Variants in ASTN2 observed in about 807,000 individuals in gnomAD.
The protein encoded by ASTN2 is astrotactin-2.
In ASTN2, 54 loss-of-function variants were observed where a neutral mutation model predicts 139.8. That is an observed-to-expected ratio of 0.39 (90% CI 0.31 to 0.48). The LOEUF is 0.48. Ranked by LOEUF, ASTN2 falls within the 20% of genes least tolerant of loss-of-function variation. ASTN2 has a pLI of 0.95. For synonymous variants in ASTN2, 756 were observed against 719.5 expected, an observed-to-expected ratio of 1.05 and a Z score of -0.81; for missense variants, 1,565 against 1,725.1, an observed-to-expected ratio of 0.91 and a Z score of 1.64.
intron 10 of ASTN2, among the ~76,000 whole-genome samples, chr9:116,914,572 T>TTA (rs978387265): frequency 2.8e-5 from 4 of 143,376 alleles, no homozygotes; most frequent in African/African-American, 8.2e-5. Context: ...ATTATTATTA[T>TTA]TTATATATAT....
At position 117,158,177 on chromosome 9, in the gene ASTN2, C is replaced by T. The variant is rs7022796; in HGVS notation, c.1016-16699G>A. Among the ~76,000 whole-genome samples the T allele has an allele frequency of 4.5e-3, 691 of 152,078 alleles. 10 individuals carry two copies. Among genetic ancestry groups the T allele is most frequent in the African/African-American group, 0.015 (638 of 41,512 alleles). On this transcript the variant is annotated intron_variant, in intron 3 of 22. Coordinates refer to ENST00000313400, the MANE Select transcript of ASTN2 (RefSeq NM_001365068.1). ...TTATACGTGTAGTCAGGGTACTAACCCAGTTCCACTGCTAGTGACTATGCA... is the reference window on the plus strand; with the variant it reads ...TTATACGTGTAGTCAGGGTACTAACTCAGTTCCACTGCTAGTGACTATGCA...
chr9:117,275,765 C>A (rs1834172510), intron 2 of ASTN2, among the ~76,000 whole-genome samples: 1 of 151,952 alleles, frequency 6.6e-6, no homozygotes, highest in South Asian at 2.1e-4. Flanking sequence ...AGGGTTTCGC[C>A]ATGTTGACCA....
chr9:116,924,990 G>A (rs2132441935), intron 10 of ASTN2, among the ~76,000 whole-genome samples: 1 of 152,164 alleles, frequency 6.6e-6, no homozygotes, highest in Middle Eastern at 3.4e-3. Flanking sequence ...TTCCAAACAA[G>A]TCACTCTTGC....
chr9:116,529,693 T>C (rs1241977987), intron 19 of ASTN2, among the ~76,000 whole-genome samples: 1 of 152,036 alleles, frequency 6.6e-6, no homozygotes, highest in African/African-American at 2.4e-5. Flanking sequence ...GATTGGGTCA[T>C]GAGGGCAGTC....
intron 2 of ASTN2, among the ~76,000 whole-genome samples, chr9:117,233,082 G>A (rs1832945182): frequency 6.6e-6 from 1 of 152,110 alleles, no homozygotes; most frequent in South Asian, 2.1e-4. Context: ...GCTGGAGCTT[G>A]CGTTCTTCCA....
chr9:116,853,725 G>A (rs757427322), intron 11 of ASTN2, among the ~76,000 whole-genome samples: 1 of 152,162 alleles, frequency 6.6e-6, no homozygotes, highest in Non-Finnish European at 1.5e-5. Context: ...AAACAGTGTG[G>A]AGCACCAGAT....
At chr9:116,687,292 C>T in intron 16 of ASTN2, 1 of 989,182 alleles carries the variant, frequency 1.0e-6, no homozygotes, top group Non-Finnish European at 1.2e-6. Context: ...CGAATTGGCG[C>T]CCGGCAAGGG....
chr9:116,799,401 T>C (rs1830782409), intron 13 of ASTN2, among the ~76,000 whole-genome samples: 1 of 152,164 alleles, frequency 6.6e-6, no homozygotes, highest in African/African-American at 2.4e-5. Context: ...CAGACAAGAT[T>C]GAAAAGTCCC....
At chr9:116,929,657 G>A (rs1834847190) in intron 10 of ASTN2, among the ~76,000 whole-genome samples, 1 of 152,114 alleles carries the variant, frequency 6.6e-6, no homozygotes, top group Non-Finnish European at 1.5e-5. Context: ...ACCCTTTGCT[G>A]ACTAATTGAA....
chr9:117,200,856 T>A (rs995164592), intron 3 of ASTN2, among the ~76,000 whole-genome samples: 1 of 152,154 alleles, frequency 6.6e-6, no homozygotes, highest in Non-Finnish European at 1.5e-5. Flanking sequence ...AGTTTTGGTA[T>A]CAGGATGATA....
chr9:116,564,973 G>A (rs1453143565), intron 19 of ASTN2, among the ~76,000 whole-genome samples: 1 of 152,008 alleles, frequency 6.6e-6, no homozygotes, highest in Non-Finnish European at 1.5e-5. Context: ...CCAATTGAAG[G>A]AGGTAGACTT....
rs539934765 is a variant in ASTN2, at chr9:117,258,313, C to T, written c.630+33013G>A. The stretch of plus-strand genomic sequence containing the variant: ...TGCGGGCATTAATGTAGGCCAAGTG[C>T]TTTCCAGCCAATCAGACCCCATTTC... On this transcript the variant is annotated intron_variant, in intron 2 of 22. Transcript: ENST00000313400. Among the ~76,000 whole-genome samples the T allele has an allele frequency of 6.6e-5, 10 of 152,292 alleles. No individual in the cohort carries two copies. The South Asian group carries it at 2.1e-3, about 32-fold the overall frequency.
chr9:116,491,308 A>C (rs1157143751), intron 19 of ASTN2, among the ~76,000 whole-genome samples: 2 of 152,200 alleles, frequency 1.3e-5, no homozygotes, highest in Non-Finnish European at 2.9e-5. Flanking sequence ...TCCCCATGGT[A>C]AAGCTGAGGT....
In ASTN2 at chr9:116,737,467, ATGTGTGTGTG is replaced by A. The variant is rs72243746; in HGVS notation, c.2397-3954_2397-3945del. On this transcript the variant is annotated intron_variant, in intron 13 of 22. Coordinates refer to ENST00000313400, the MANE Select transcript of ASTN2 (RefSeq NM_001365068.1). Reference sequence around the variant, plus strand: ...TTAGCGCTCGTGTGTGTGTGTGTGAATGTGTGTGTGTGTGTGTGTGTGTGTGTGTAGTAAA... The same window carrying A: ...TTAGCGCTCGTGTGTGTGTGTGTGAATGTGTGTGTGTGTGTGTGTAGTAAA... 6.4e-3 allele frequency among the ~76,000 whole-genome samples: 954 copies of A among 148,262 alleles called. 55 individuals carry two copies. In the South Asian group the frequency reaches 0.16, roughly 25 times the overall value.
chr9:116,956,240 C>G (rs1345892113), intron 10 of ASTN2, among the ~76,000 whole-genome samples: 1 of 150,404 alleles, frequency 6.6e-6, no homozygotes, highest in East Asian at 1.9e-4. Flanking sequence ...GGATTACAGG[C>G]ATGTGCCACC....
chr9:116,733,360 G>A, intron 14 of ASTN2, 39 bp downstream of exon 14: 2 of 1,608,494 alleles, frequency 1.2e-6, no homozygotes, highest in Non-Finnish European at 8.5e-7. Context: ...TCGGTGTGTG[G>A]TCAGGGAACC....
chr9:117,011,776 G>A (rs1237583695), intron 6 of ASTN2, among the ~76,000 whole-genome samples: 1 of 152,120 alleles, frequency 6.6e-6, no homozygotes, highest in Non-Finnish European at 1.5e-5. Context: ...AAATTGACAT[G>A]GTCAAATTTG....
chr9:117,179,670 C>T (rs536279146), intron 3 of ASTN2, among the ~76,000 whole-genome samples: 2 of 152,138 alleles, frequency 1.3e-5, no homozygotes, highest in Non-Finnish European at 2.9e-5. Context: ...TGAGGGCTTC[C>T]CTCCTATGCT....
intron 5 of ASTN2, among the ~76,000 whole-genome samples, chr9:117,059,054 A>G (rs963771922): frequency 1.3e-5 from 2 of 152,204 alleles, no homozygotes; most frequent in African/African-American, 4.8e-5. Flanking sequence ...TGCCCGGTCT[A>G]TCTGCTAAGG....
Sources: gnomAD v4.1 joint callset for allele counts (sites outside exome capture counted in the v4.1 genomes callset) on GRCh38, gnomAD v4.1.1 for gene constraint, MANE v1.5 for transcripts, NCBI Gene and HGNC (gene_info 2026-07-23, HGNC 2026-07-21) for gene names.